AGBL4: variants seen among roughly 807,000 people sequenced by gnomAD.
AGBL4 encodes the protein AGBL carboxypeptidase 4.
A neutral mutation model predicts 66.4 loss-of-function variants in AGBL4; 58 were observed. The ratio of observed to expected loss-of-function variants is 0.87; its 90% CI spans 0.71 to 1.09. AGBL4 has a LOEUF of 1.09. Among genes scored for constraint, AGBL4 ranks in the 50% least tolerant of loss-of-function variants. AGBL4 has a pLI of 0.00. For synonymous variants in AGBL4, 234 were observed against 222.9 expected, an observed-to-expected ratio of 1.05 and a Z score of -0.44; for missense variants, 579 against 631.0, an observed-to-expected ratio of 0.92 and a Z score of 0.88.
chr1:49,042,709 AT>A (rs1643975188), intron 5 of AGBL4, among the ~76,000 whole-genome samples: 1 of 152,208 alleles, frequency 6.6e-6, no homozygotes, highest in African/African-American at 2.4e-5. Flanking sequence ...GAGTCATAAA[AT>A]TAGTTGTGGA....
At chr1:48,764,375 A>G (rs1490992782) in intron 6 of AGBL4, among the ~76,000 whole-genome samples, 2 of 152,218 alleles carry the variant, frequency 1.3e-5, no homozygotes, top group Admixed American at 6.5e-5. Flanking sequence ...TAAAAACTTG[A>G]GCAGAGTGAA....
chr1:48,753,947 TTTTA>T (rs1320166031), intron 6 of AGBL4, among the ~76,000 whole-genome samples: 1 of 152,182 alleles, frequency 6.6e-6, no homozygotes, highest in African/African-American at 2.4e-5. Flanking sequence ...AGAGCACTGA[TTTTA>T]TTTGCCTGGT....
chr1:49,069,421 A>C (rs1296851674), intron 4 of AGBL4, among the ~76,000 whole-genome samples: 1 of 150,222 alleles, frequency 6.7e-6, no homozygotes, highest in Non-Finnish European at 1.5e-5. Context: ...AGGTGTAAGG[A>C]AGGGATCCAG....
chr1:49,406,628 G>T (rs1048553182), intron 3 of AGBL4, among the ~76,000 whole-genome samples: 3 of 151,996 alleles, frequency 2.0e-5, no homozygotes, highest in Non-Finnish European at 4.4e-5. Context: ...GGTAATATAA[G>T]CTCAACTATA....
chr1:49,044,742 T>A (rs925210431), intron 5 of AGBL4, among the ~76,000 whole-genome samples: 1 of 152,020 alleles, frequency 6.6e-6, no homozygotes, highest in Admixed American at 6.5e-5. Flanking sequence ...TGATACAGCA[T>A]GAAAAAGACT....
In AGBL4 at chr1:49,149,468, G is replaced by A. The variant is rs544098197; in HGVS notation, c.377+96302C>T. Among the ~76,000 whole-genome samples, 7 of 152,308 alleles carry A rather than the reference G, an allele frequency of 4.6e-5. No homozygotes were observed. The South Asian group carries it at 1.5e-3, about 32-fold the overall frequency. ...TGTGAAAGGCAGTTAACATTGTGCA[G>A]TGAACTCTGACAGAGTACATTCTAG... On this transcript the variant is annotated intron_variant, in intron 4 of 13. Transcript: ENST00000371839.
intron 4 of AGBL4, among the ~76,000 whole-genome samples, chr1:49,100,589 G>A (rs1450506302): frequency 2.0e-5 from 3 of 152,192 alleles, no homozygotes; most frequent in African/African-American, 7.2e-5. Flanking sequence ...ATATGTCGGG[G>A]TAGAAGTCAA....
intron 3 of AGBL4, among the ~76,000 whole-genome samples, chr1:49,293,299 G>T (rs1275261417): frequency 6.6e-6 from 1 of 152,188 alleles, no homozygotes; most frequent in Non-Finnish European, 1.5e-5. Context: ...GCTTGCCCTT[G>T]GCAGGCATAG....
At chr1:48,893,616 C>T (rs1307795514) in intron 5 of AGBL4, among the ~76,000 whole-genome samples, 3 of 151,918 alleles carry the variant, frequency 2.0e-5, no homozygotes, top group East Asian at 1.9e-4. Flanking sequence ...ACCTGAGAGG[C>T]GGAGCTTGCA....
At chr1:49,868,306 G>A (rs1343786309) in intron 1 of AGBL4, among the ~76,000 whole-genome samples, 2 of 151,940 alleles carry the variant, frequency 1.3e-5, no homozygotes, top group Non-Finnish European at 2.9e-5. Context: ...CAAAAAAAGG[G>A]CCCATATAGC....
intron 3 of AGBL4, among the ~76,000 whole-genome samples, chr1:49,359,641 A>G (rs548771614): frequency 1.3e-5 from 2 of 152,314 alleles, no homozygotes; most frequent in Non-Finnish European, 2.9e-5. Flanking sequence ...CACTGCGTGC[A>G]TGGAGAACAC....
intron 2 of AGBL4, among the ~76,000 whole-genome samples, chr1:49,844,036 C>T (rs1646072717): frequency 6.6e-6 from 1 of 152,190 alleles, no homozygotes; most frequent in African/African-American, 2.4e-5. Flanking sequence ...CTCCTACTCT[C>T]AGGGGGTTCC....
At chr1:49,836,340 G>C (rs1645848739) in intron 2 of AGBL4, among the ~76,000 whole-genome samples, 1 of 152,126 alleles carries the variant, frequency 6.6e-6, no homozygotes, top group South Asian at 2.1e-4. Flanking sequence ...TTCAATCTCT[G>C]ATATTCTTTT....
At chr1:49,122,355 AT>A (rs918055686) in intron 4 of AGBL4, among the ~76,000 whole-genome samples, 17 of 151,488 alleles carry the variant, frequency 1.1e-4, no homozygotes, top group East Asian at 1.9e-4. Context: ...CAGACCCCAC[AT>A]TTTTTTTTCT....
chr1:48,601,886 C>A (rs1361772692), intron 9 of AGBL4, among the ~76,000 whole-genome samples: 1 of 152,070 alleles, frequency 6.6e-6, no homozygotes, highest in African/African-American at 2.4e-5. Context: ...AAAGCCAGGC[C>A]TTCCCTCAGA....
chr1:48,847,258 C>G (rs1198675455), intron 6 of AGBL4, among the ~76,000 whole-genome samples: 1 of 152,314 alleles, frequency 6.6e-6, no homozygotes, highest in East Asian at 1.9e-4. Flanking sequence ...CGAGTTCACA[C>G]CATTGCACTC....
intron 5 of AGBL4, among the ~76,000 whole-genome samples, chr1:48,877,008 C>T (rs779482019): frequency 4.9e-4 from 75 of 152,248 alleles, no homozygotes; most frequent in Non-Finnish European, 9.0e-4. Context: ...GATGTCAGAG[C>T]AAGGGTCTTT....
intron 5 of AGBL4, among the ~76,000 whole-genome samples, chr1:48,971,376 C>A (rs894207807): frequency 1.3e-5 from 2 of 152,050 alleles, no homozygotes; most frequent in African/African-American, 2.4e-5. Context: ...CCCCCTCCAC[C>A]CCCAGTGGAA....
intron 3 of AGBL4, among the ~76,000 whole-genome samples, chr1:49,358,669 T>C (rs1644071361): frequency 6.6e-6 from 1 of 152,200 alleles, no homozygotes; most frequent in African/African-American, 2.4e-5. Flanking sequence ...AAAATGTTTA[T>C]TATACATAAG....
Sources: gnomAD v4.1 joint callset for allele counts (sites outside exome capture counted in the v4.1 genomes callset) on GRCh38, gnomAD v4.1.1 for gene constraint, MANE v1.5 for transcripts, NCBI Gene and HGNC (gene_info 2026-07-23, HGNC 2026-07-21) for gene names.